Variants in RUFY3 observed in about 807,000 individuals in gnomAD.
RUFY3 encodes the protein protein RUFY3.
Under a neutral mutation model 84.0 loss-of-function variants are expected in RUFY3, and 34 were observed. The observed-to-expected ratio is 0.40, with a 90% CI of 0.31 to 0.54. The LOEUF is 0.54. RUFY3 is among the 20% of genes least tolerant of loss of function. The pLI, the probability that RUFY3 is intolerant of heterozygous loss-of-function variation, is 0.39. For synonymous variants in RUFY3, 242 were observed against 252.9 expected (o/e 0.96, Z 0.41); for missense variants, 507 against 736.8 (o/e 0.69, Z 3.61).
intron 1 of RUFY3, among the ~76,000 whole-genome samples, chr4:70,709,482 CT>C (rs758812740): frequency 5.2e-4 from 79 of 152,154 alleles, no homozygotes; most frequent in Non-Finnish European, 8.8e-4. Context: ...TCATCCTGAA[CT>C]TTTTCATGCA....
At chr4:70,788,210 G>A (rs1217134761) in intron 10 of RUFY3, among the ~76,000 whole-genome samples, 4 of 151,934 alleles carry the variant, frequency 2.6e-5, no homozygotes, top group Admixed American at 1.3e-4. Context: ...GCTTGAACCC[G>A]GGAGGTGGAG....
intron 1 of RUFY3, among the ~76,000 whole-genome samples, chr4:70,728,413 A>G (rs947965249): frequency 1.3e-5 from 2 of 152,210 alleles, no homozygotes; most frequent in Non-Finnish European, 2.9e-5. Flanking sequence ...TCAAAATTCA[A>G]AATTTGAAGT....
intron 1 of RUFY3, among the ~76,000 whole-genome samples, chr4:70,728,956 A>G (rs192140922): frequency 1.1e-4 from 17 of 152,110 alleles, no homozygotes; most frequent in Admixed American, 8.5e-4. Context: ...ATTCAAAATG[A>G]CTGAAGAAAT....
chr4:70,765,187 CAAAAAAAA>C (rs1161964926), intron 4 of RUFY3, among the ~76,000 whole-genome samples: 1 of 55,728 alleles, frequency 1.8e-5, no homozygotes, highest in African/African-American at 6.9e-5. Context: ...GACTCTGTCT[CAAAAAAAA>C]AAAAAAAAAA....
intron 14 of RUFY3, 44 bp from the exon 15 acceptor site, chr4:70,800,097 A>C: frequency 6.4e-7 from 1 of 1,563,666 alleles, no homozygotes; most frequent in Non-Finnish European, 8.7e-7. Context: ...ATCATTATTT[A>C]GCATTCTGAA....
intron 9 of RUFY3, among the ~76,000 whole-genome samples, chr4:70,783,898 G>T (rs1052997233): frequency 6.6e-6 from 1 of 151,990 alleles, no homozygotes; most frequent in Non-Finnish European, 1.5e-5. Flanking sequence ...CTGATGCTCG[G>T]TGTTATCTTT....
At chr4:70,789,417 A>G (rs1444698104) in intron 11 of RUFY3, 78 bp from the exon 12 acceptor site, 2 of 1,299,136 alleles carry the variant, frequency 1.5e-6, no homozygotes, top group East Asian at 2.4e-5. Context: ...CCCACTTACC[A>G]TTAGATTCAA....
intron 7 of RUFY3, 142 bp from the exon 8 acceptor site, chr4:70,778,227 T>C (rs944363694): frequency 8.3e-6 from 3 of 362,720 alleles, no homozygotes; most frequent in Non-Finnish European, 1.5e-5. Flanking sequence ...ACAACGAGAC[T>C]CCGTCTAAAA....
At chr4:70,744,897 C>G (rs986778658) in intron 1 of RUFY3, among the ~76,000 whole-genome samples, 1 of 151,878 alleles carries the variant, frequency 6.6e-6, no homozygotes, top group Admixed American at 6.6e-5. Context: ...TCAGGTGATG[C>G]GCCCGCCTCA....
intron 1 of RUFY3, 97 bp from the exon 2 acceptor site, chr4:70,762,422 C>CA (rs1303521049): frequency 9.4e-7 from 1 of 1,059,310 alleles, no homozygotes; most frequent in East Asian, 2.5e-5. Flanking sequence ...TTTTTTTTCA[C>CA]AGTGAGTACA....
intron 1 of RUFY3, among the ~76,000 whole-genome samples, chr4:70,713,128 A>G (rs1051810419): frequency 6.6e-6 from 1 of 152,116 alleles, no homozygotes; most frequent in South Asian, 2.1e-4. Flanking sequence ...GGTTTAGCTG[A>G]TTCTCCTGCC....
chr4:70,768,082 G>T (rs113879296), intron 4 of RUFY3, among the ~76,000 whole-genome samples: 3 of 152,058 alleles, frequency 2.0e-5, no homozygotes, highest in Non-Finnish European at 4.4e-5. Flanking sequence ...CAGTCCTCCC[G>T]CCTTGGTCTC....
At chr4:70,704,872 G>A (rs1217958294) in exon 1 of RUFY3, 4 of 1,093,006 alleles carry the variant, frequency 3.7e-6, no homozygotes, top group Non-Finnish European at 4.6e-6. Context: ...TCCTCGCCCT[G>A]ACCCTCTGCT....
chr4:70,805,193 G>A (rs1336429461), intron 17 of RUFY3, among the ~76,000 whole-genome samples: 3 of 152,110 alleles, frequency 2.0e-5, no homozygotes, highest in Admixed American at 6.6e-5. Flanking sequence ...CCTAGCTTTC[G>A]CTCCAAAGTC....
In RUFY3 at chr4:70,760,076, A is replaced by G. The variant is rs111842817; in HGVS notation, c.179-2443A>G. 3.6e-3 allele frequency among the ~76,000 whole-genome samples: 545 copies of G among 152,300 alleles called. 2 individuals are homozygous for G. Among genetic ancestry groups the G allele is most frequent in the African/African-American group, 0.013 (529 of 41,564 alleles). On this transcript the variant is annotated intron_variant, in intron 1 of 17. Coordinates refer to ENST00000381006, the MANE Select transcript of RUFY3 (RefSeq NM_001037442.4). ...TTATGTTTGATGGAAGTTAGTTTAAATAGATTGTAGCACCTTACTAATGGA... is the reference window on the plus strand; with the variant it reads ...TTATGTTTGATGGAAGTTAGTTTAAGTAGATTGTAGCACCTTACTAATGGA...
chr4:70,724,883 T>G (rs1405921563), intron 1 of RUFY3, among the ~76,000 whole-genome samples: 3 of 152,220 alleles, frequency 2.0e-5, no homozygotes, highest in Non-Finnish European at 4.4e-5. Context: ...AGATTTAATT[T>G]AGCTATAAGC....
At chr4:70,784,678 T>A in intron 9 of RUFY3, 118 bp from the exon 10 acceptor site, 1 of 520,024 alleles carries the variant, frequency 1.9e-6, no homozygotes, top group Non-Finnish European at 3.2e-6. Flanking sequence ...TTGTTGTGTT[T>A]GTTCATTATT....
At chr4:70,738,524 G>T (rs571824853) in intron 1 of RUFY3, among the ~76,000 whole-genome samples, 1 of 150,704 alleles carries the variant, frequency 6.6e-6, no homozygotes, top group Non-Finnish European at 1.5e-5. Flanking sequence ...CACCACGCCC[G>T]GCTAATTTTT....
At chr4:70,766,729 C>T (rs1307451727) in intron 4 of RUFY3, among the ~76,000 whole-genome samples, 1 of 152,164 alleles carries the variant, frequency 6.6e-6, no homozygotes, top group Non-Finnish European at 1.5e-5. Flanking sequence ...ATTGACACAT[C>T]ATTATCTCCC....
Sources: gnomAD v4.1 joint callset for allele counts (sites outside exome capture counted in the v4.1 genomes callset) on GRCh38, gnomAD v4.1.1 for gene constraint, MANE v1.5 for transcripts, NCBI Gene and HGNC (gene_info 2026-07-23, HGNC 2026-07-21) for gene names.